Variants in DCPS observed in about 807,000 individuals in gnomAD.
The protein encoded by DCPS is decapping enzyme, scavenger, also known as m7GpppX diphosphatase.
DCPS carries 27 observed loss-of-function variants against 34.7 expected under a neutral mutation model. The ratio of observed to expected loss-of-function variants is 0.78; its 90% CI spans 0.57 to 1.07. The LOEUF (loss-of-function observed/expected upper bound fraction) is 1.07, where lower values mean the gene tolerates loss of function less well. Ranked by LOEUF, DCPS falls within the 50% of genes least tolerant of loss-of-function variation. The pLI is 0.00. For synonymous variants in DCPS, 185 were observed against 185.7 expected, an observed-to-expected ratio of 1.00 and a Z score of 0.03; for missense variants, 464 against 436.9, an observed-to-expected ratio of 1.06 and a Z score of -0.55.
intron 2 of DCPS, among the ~76,000 whole-genome samples, chr11:126,330,582 G>A (rs943701932): frequency 6.6e-6 from 1 of 150,982 alleles, no homozygotes; most frequent in African/African-American, 2.4e-5. Context: ...AGAATAAGGA[G>A]CAGGCAGAGC....
intron 4 of DCPS, among the ~76,000 whole-genome samples, chr11:126,339,139 G>A (rs1270647513): frequency 6.6e-6 from 1 of 152,238 alleles, no homozygotes; most frequent in African/African-American, 2.4e-5. Flanking sequence ...AGAGAGTGCT[G>A]TTCTTAACAC....
intron 1 of DCPS, among the ~76,000 whole-genome samples, chr11:126,305,183 G>C (rs1288411701): frequency 6.6e-6 from 1 of 152,088 alleles, no homozygotes; most frequent in Non-Finnish European, 1.5e-5. Context: ...TGTGATCTCG[G>C]CTCACTGCAA....
Position 126,343,310 on chromosome 11 carries a change from G to A in DCPS, c.640G>A (p.Asp214Asn), listed in dbSNP as rs776570838. 3.8e-5 allele frequency: 62 copies of A among 1,612,830 alleles called. No homozygotes were observed. Among genetic ancestry groups the A allele is most frequent in the Middle Eastern group, 1.6e-4 (1 of 6,082 alleles). Reference protein sequence around the residue: ...PDLKWNQQQLDDLYLIAICHR... With the variant: ...PDLKWNQQQLNDLYLIAICHR... ...TCTCCCCTTGCTCTCTACGCAGCTC[G>A]ATGACTTGTACTTGATCGCCATCTG... Residue 214 changes from aspartate to asparagine, a missense_variant, in exon 5 of 6, where the codon GAT (aspartate) becomes AAT (asparagine). Physicochemically the swap from Asp to Asn is conservative, Grantham distance 23. Coordinates refer to ENST00000263579, the MANE Select transcript of DCPS (RefSeq NM_014026.6).
Position 126,348,425 on chromosome 11 carries a change from G to C in DCPS, c.*2812G>C, listed in dbSNP as rs1039649181. On this transcript the variant is annotated 3_prime_UTR_variant, in exon 6 of 6. Transcript: ENST00000263579. This position sits in a 1 kb window ranked among gnomAD's most constrained non-coding sequence, Gnocchi z 5.3. ...AAGACAAGCCTCTGCTAGAGGCCTG[G>C]CAAGGGTTCCCCTTCAGAGCCAGCC... 6.6e-6 allele frequency among the ~76,000 whole-genome samples: 1 copy of C among 152,206 alleles called. No individual in the cohort carries two copies. The highest frequency in any genetic ancestry group is 2.4e-5 in the African/African-American group (1 of 41,450).
At position 126,331,885 on chromosome 11, in the gene DCPS, TG is replaced by T. The variant is rs199500741; in HGVS notation, c.522+340del. ...GCATGGCGAGAGAAGGCTTTGGGGGTGGGGGAACTGATGCTGGTCTTGGTCC... is the reference window on the plus strand; with the variant it reads ...GCATGGCGAGAGAAGGCTTTGGGGGTGGGGAACTGATGCTGGTCTTGGTCC... On this transcript the variant is annotated intron_variant, in intron 3 of 5. Coordinates refer to ENST00000263579, the MANE Select transcript of DCPS (RefSeq NM_014026.6). The surrounding 1 kb of genome is among the most constrained non-coding windows in gnomAD (Gnocchi z 7.2). Among the ~76,000 whole-genome samples, 918 of 151,806 alleles carry T rather than the reference TG, an allele frequency of 6.0e-3. 12 individuals are homozygous for T. Among genetic ancestry groups the T allele is most frequent in the African/African-American group, 0.021 (883 of 41,374 alleles).
In DCPS at chr11:126,308,767, C is replaced by T. The variant is rs115054137; in HGVS notation, c.376+2023C>T. On this transcript the variant is annotated intron_variant, in intron 2 of 5. Coordinates refer to ENST00000263579, the MANE Select transcript of DCPS (RefSeq NM_014026.6). The stretch of plus-strand genomic sequence containing the variant: ...TGGCCAAAATTCAGAAGGTTCTGCC[C>T]GACAGATGAACCCTGTGGAATTCAC... Among the ~76,000 whole-genome samples the T allele has an allele frequency of 1.6e-3, 240 of 151,358 alleles. 1 individual carries two copies. The highest frequency in any genetic ancestry group is 5.2e-3 in the African/African-American group (217 of 41,340).
In DCPS at chr11:126,336,858, GT is replaced by G. The variant is rs1951836430; in HGVS notation, c.523-1427del. 6.6e-6 allele frequency: 1 copy of G among 152,316 alleles called. No homozygotes were observed. The highest frequency in any genetic ancestry group is 1.5e-5 in the Non-Finnish European group (1 of 68,144). 9.4% of individuals were successfully genotyped at this position (152,316 alleles called of 1,614,324 possible). On this transcript the variant is annotated intron_variant, in intron 3 of 5. Transcript: ENST00000263579. This position sits in a 1 kb window ranked among gnomAD's most constrained non-coding sequence, Gnocchi z 6.3. The stretch of plus-strand genomic sequence containing the variant: ...TCTTGGGAACTGCCTGTCTTTTGTT[GT>G]GAATGGACCACATTGTGACCGGCCT...
chr11:126,324,420 A>G (rs1318719297), intron 2 of DCPS, among the ~76,000 whole-genome samples: 1 of 151,904 alleles, frequency 6.6e-6, no homozygotes, highest in African/African-American at 2.4e-5. Flanking sequence ...GGGGGTGGCA[A>G]CCGGAAGTTC....
In DCPS at chr11:126,329,931, A is replaced by G. The variant is rs1951769761; in HGVS notation, c.377-1474A>G. ...GAGCCTATCCGAACCCAGATTAAGA[A>G]AGTCAGAGGGAACCATGGGTCTTTT... On this transcript the variant is annotated intron_variant, in intron 2 of 5. Coordinates refer to ENST00000263579, the MANE Select transcript of DCPS (RefSeq NM_014026.6). This position sits in a 1 kb window ranked among gnomAD's most constrained non-coding sequence, Gnocchi z 5.0. Among the ~76,000 whole-genome samples, 1 of 152,140 alleles carries G rather than the reference A, an allele frequency of 6.6e-6. No homozygotes were observed. The highest frequency in any genetic ancestry group is 1.5e-5 in the Non-Finnish European group (1 of 68,030).
chr11:126,306,026 C>A (rs775674253), intron 1 of DCPS, among the ~76,000 whole-genome samples: 1 of 152,258 alleles, frequency 6.6e-6, no homozygotes, highest in East Asian at 1.9e-4. Flanking sequence ...AACTGAGAAG[C>A]CTTGTATTCT....
intron 4 of DCPS, chr11:126,341,286 GTCTA>G (rs1381289538): frequency 6.6e-6 from 1 of 152,232 alleles, no homozygotes; most frequent in African/African-American, 2.4e-5. Flanking sequence ...GACTGACGAT[GTCTA>G]TCTGTCTTCC....
Position 126,312,476 on chromosome 11 carries a change from C to CT in DCPS, c.376+5733dup, listed in dbSNP as rs1951624673. On this transcript the variant is annotated intron_variant, in intron 2 of 5. Transcript: ENST00000263579. This position sits in a 1 kb window ranked among gnomAD's most constrained non-coding sequence, Gnocchi z 5.1. ...GCCTCAGCCTCCTGAGTAGCTGGGA[C>CT]TACAGGCACCCGCCACCACACCCAG... 6.6e-6 allele frequency among the ~76,000 whole-genome samples: 1 copy of CT among 151,896 alleles called. No individual in the cohort carries two copies. The highest frequency in any genetic ancestry group is 6.6e-5 in the Admixed American group (1 of 15,242).
intron 2 of DCPS, among the ~76,000 whole-genome samples, chr11:126,317,647 G>A (rs748089388): frequency 7.9e-5 from 12 of 152,180 alleles, no homozygotes; most frequent in Non-Finnish European, 1.2e-4. Flanking sequence ...CTTGGTACCC[G>A]TGCCCCTTTC....
At position 126,306,551 on chromosome 11, in the gene DCPS, A is replaced by T; in HGVS notation, c.202-19A>T. The T allele has an allele frequency of 1.3e-6, 2 of 1,585,890 alleles. No homozygotes were observed. The highest frequency in any genetic ancestry group is 1.7e-6 in the Non-Finnish European group (2 of 1,159,738). On this transcript the variant is annotated intron_variant, in intron 1 of 5. Transcript: ENST00000263579. ...CGTGGTTCTGCCCTTGAGCCCACTG[A>T]TGATGCCTCTGCCCACAGGTGAATG...
Position 126,336,871 on chromosome 11 carries a change from A to G in DCPS, c.523-1415A>G, listed in dbSNP as rs916131929. On this transcript the variant is annotated intron_variant, in intron 3 of 5. Transcript: ENST00000263579. This position sits in a 1 kb window ranked among gnomAD's most constrained non-coding sequence, Gnocchi z 6.3. ...CTGTCTTTTGTTGTGAATGGACCAC[A>G]TTGTGACCGGCCTGTGGGTCTTGTC... 2.0e-5 allele frequency: 3 copies of G among 152,092 alleles called. No individual in the cohort carries two copies. The highest frequency in any genetic ancestry group is 4.8e-5 in the African/African-American group (2 of 41,362). The allele number at this position is 152,092 out of a possible 1,614,324, so 9.4% of individuals were successfully genotyped here.
Position 126,345,458 on chromosome 11 carries a change from G to A in DCPS, c.859G>A (p.Ala287Thr). The change falls in exon 6 of 6, where the codon GCC becomes ACC. Residue 287 changes from alanine to threonine, a missense_variant. By Grantham distance (58) the Ala-to-Thr change is moderately conservative. Transcript: ENST00000263579. This position sits in a 1 kb window ranked among gnomAD's most constrained non-coding sequence, Gnocchi z 7.4. The stretch of plus-strand genomic sequence containing the variant: ...GCACTTCACCGCCCTGGGCTTCGAG[G>A]CCCCCGGCTCAGGCGTGGAGCGGGC... ...HVHFTALGFEAPGSGVERAHL... is the reference protein window; with the variant it reads ...HVHFTALGFETPGSGVERAHL... 3 of 1,614,152 alleles carry A rather than the reference G, an allele frequency of 1.9e-6. No individual in the cohort carries two copies. The highest frequency in any genetic ancestry group is 3.3e-5 in the Admixed American group (2 of 60,032).
intron 5 of DCPS, 56 bp downstream of exon 5, chr11:126,343,473 G>T (rs1182409868): frequency 7.1e-7 from 1 of 1,399,550 alleles, no homozygotes. Flanking sequence ...TCAGATTCCA[G>T]TGTGTTCCTG....
chr11:126,338,400 G>T lies in DCPS; in HGVS notation c.636+1G>T, dbSNP rs770528538. 1.6e-5 allele frequency: 26 copies of T among 1,614,094 alleles called. No homozygotes were observed. Among genetic ancestry groups the T allele is most frequent in the Non-Finnish European group, 2.2e-5 (26 of 1,179,918 alleles). On this transcript the variant is annotated splice_donor_variant, in intron 4 of 5. Transcript: ENST00000263579. LOFTEE classifies it high-confidence loss of function. The surrounding 1 kb of genome is among the most constrained non-coding windows in gnomAD (Gnocchi z 5.4). ...TGACCTCAAGTGGAACCAACAGCAG[G>T]TAAAGGTTTCTGGCTGGAATGTCCT... is the stretch of plus-strand genomic sequence containing the variant.
intron 2 of DCPS, among the ~76,000 whole-genome samples, chr11:126,316,812 G>A (rs1395019699): frequency 1.3e-5 from 2 of 150,590 alleles, no homozygotes; most frequent in South Asian, 2.1e-4. Context: ...CCGCCACCGC[G>A]CCCAGCTAAT....
Sources: gnomAD v4.1 joint callset for allele counts (sites outside exome capture counted in the v4.1 genomes callset) on GRCh38, gnomAD v4.1.1 for gene constraint, Gnocchi (gnomAD v3.1) non-coding constraint, MANE v1.5 for transcripts, NCBI Gene and HGNC (gene_info 2026-07-23, HGNC 2026-07-21) for gene names.